ZNF592: variants seen among roughly 807,000 people sequenced by gnomAD.
ZNF592 encodes spinocerebellar ataxia, autosomal recessive 5.
Under a neutral mutation model 80.3 loss-of-function variants are expected in ZNF592, and 11 were observed. The observed-to-expected ratio is 0.14, with a 90% confidence interval of 0.09 to 0.23. ZNF592 has a LOEUF of 0.23. Ranked by LOEUF, ZNF592 falls within the 10% of genes least tolerant of loss-of-function variation. The pLI is 1.00. For missense variants in ZNF592, 1,420 were observed against 1,633.9 expected, an observed-to-expected ratio of 0.87 and a Z score of 2.26; for synonymous variants, 646 against 640.3, an observed-to-expected ratio of 1.01 and a Z score of -0.13.
At chr15:84,776,001 C>T (rs542433955) in intron 2 of ZNF592, among the ~76,000 whole-genome samples, 2 of 152,330 alleles carry the variant, frequency 1.3e-5, no homozygotes, top group East Asian at 3.9e-4. Flanking sequence ...TTGTTCTTTA[C>T]CCCCAAGGGG....
chr15:84,794,387 T>C lies in ZNF592; in HGVS notation c.2400-3482T>C, dbSNP rs115443339. Among the ~76,000 whole-genome samples, 604 of 152,304 alleles carry C rather than the reference T, an allele frequency of 4.0e-3. 2 individuals are homozygous for C. The highest frequency in any genetic ancestry group is 0.014 in the African/African-American group (577 of 41,574). On this transcript the variant is annotated intron_variant, in intron 5 of 10. Coordinates refer to ENST00000560079, the MANE Select transcript of ZNF592 (RefSeq NM_014630.3). ...GTACACCCTTGCCAACACTTGTTAT[T>C]GTCTTTTTGATTGTAACCATCCTTA...
At chr15:84,764,614 T>C in intron 1 of ZNF592, 93 bp from the exon 2 acceptor site, 1 of 391,908 alleles carries the variant, frequency 2.6e-6, no homozygotes, top group Non-Finnish European at 4.5e-6. Context: ...ACACTTGGAT[T>C]ATTATTATTA....
intron 1 of ZNF592, chr15:84,753,585 G>GC (rs2141957122): frequency 6.6e-6 from 1 of 152,316 alleles, no homozygotes; most frequent in East Asian, 1.9e-4. Context: ...CGATTCTCCT[G>GC]CCTCAGCCTC....
rs1278049155 is a variant in ZNF592, at chr15:84,784,890, G to A, written c.2215G>A (p.Gly739Arg). Residue 739 changes from glycine (G) to arginine (R), a missense_variant, in exon 4 of 11, where the codon GGG becomes AGG. Transcript: ENST00000560079. The surrounding 1 kb of genome is among the most constrained non-coding windows in gnomAD (Gnocchi z 5.8). ...CCAGAGGACAACAGAGGAGACAGAG[G>A]GGCTGGTAAGCAGACCCTCACTGTT... ...HFQRTTEETE[G>R]LTCQVCQMLL... The A allele has an allele frequency of 1.2e-6, 2 of 1,614,002 alleles. No individual in the cohort carries two copies. Among genetic ancestry groups the A allele is most frequent in the African/African-American group, 2.7e-5 (2 of 74,910 alleles).
At position 84,784,091 on chromosome 15, in the gene ZNF592, G is replaced by T. The variant is rs750571222; in HGVS notation, c.1416G>T (p.Gly472=). 142 of 1,614,024 alleles carry T rather than the reference G, an allele frequency of 8.8e-5. No individual in the cohort carries two copies. Among genetic ancestry groups the T allele is most frequent in the Non-Finnish European group, 1.1e-4 (129 of 1,180,026 alleles). ...GTTCTGGGCCCCGGGTCCCAAAGGG[G>T]GCTGCCCCAGGCTCACAGACAGGCA... ...SCSSGPRVPK[G]AAPGSQTGKK... is the part of the protein sequence containing the mutation. The change falls in exon 4 of 11, where the codon GGG becomes GGT. Residue 472 remains glycine (G), a synonymous_variant. Transcript: ENST00000560079. This position sits in a 1 kb window ranked among gnomAD's most constrained non-coding sequence, Gnocchi z 5.8.
intron 5 of ZNF592, among the ~76,000 whole-genome samples, chr15:84,791,129 TTAGAC>T (rs1438320261): frequency 6.6e-5 from 10 of 152,354 alleles, no homozygotes; most frequent in Admixed American, 6.5e-4. Flanking sequence ...TTTGGGGAGA[TTAGAC>T]ATATAATACT....
chr15:84,775,881 GT>G (rs1962236909), intron 2 of ZNF592, among the ~76,000 whole-genome samples: 3 of 152,170 alleles, frequency 2.0e-5, no homozygotes, highest in African/African-American at 7.2e-5. Flanking sequence ...AGTAGACTCT[GT>G]AATAAACAAT....
At position 84,799,482 on chromosome 15, in the gene ZNF592, G is replaced by A. The variant is rs540798899; in HGVS notation, c.3137+272G>A. On this transcript the variant is annotated intron_variant, in intron 9 of 10. Transcript: ENST00000560079. This position sits in a 1 kb window ranked among gnomAD's most constrained non-coding sequence, Gnocchi z 4.2. ...AGCATCCTGAGGTTTAAGAGGAGGG[G>A]TGGTGATGTGAGCATGCACCCCTGG... Among the ~76,000 whole-genome samples the A allele has an allele frequency of 2.0e-5, 3 of 152,266 alleles. No individual in the cohort carries two copies. Among genetic ancestry groups the A allele is most frequent in the East Asian group, 1.9e-4 (1 of 5,178 alleles).
chr15:84,777,986 C>T (rs1012639287), intron 2 of ZNF592, among the ~76,000 whole-genome samples, 197 bp from the exon 3 acceptor site: 2 of 152,140 alleles, frequency 1.3e-5, no homozygotes, highest in African/African-American at 4.8e-5. Flanking sequence ...GCGTGAGCCA[C>T]CGTGCCCGGC....
intron 10 of ZNF592, among the ~76,000 whole-genome samples, chr15:84,800,862 G>A (rs1019317279): frequency 5.3e-5 from 8 of 152,218 alleles, no homozygotes; most frequent in African/African-American, 1.4e-4. Context: ...TAACAAAGAC[G>A]GAACTCAGCT....
rs1430924425 is a variant in ZNF592 at position 84,784,467 on chromosome 15, T to G, written c.1792T>G (p.Leu598Val). ...CCTGGAGTGTGGAGACGCATTTGCC[T>G]TAGAGAAGAGCCTGAGCCAGCACTA... is the stretch of plus-strand genomic sequence containing the variant. ...CCLECGDAFA[L>V]EKSLSQHYGR... Residue 598 changes from leucine (L) to valine (V), a missense_variant, in exon 4 of 11, where the codon TTA (leucine) becomes GTA (valine). Coordinates refer to ENST00000560079, the MANE Select transcript of ZNF592 (RefSeq NM_014630.3). The surrounding 1 kb of genome is among the most constrained non-coding windows in gnomAD (Gnocchi z 5.8). The G allele has an allele frequency of 1.2e-6, 2 of 1,614,088 alleles. No individual in the cohort carries two copies. Among genetic ancestry groups the G allele is most frequent in the Non-Finnish European group, 8.5e-7 (1 of 1,180,040 alleles).
chr15:84,770,237 G>A (rs1899660145), intron 2 of ZNF592, among the ~76,000 whole-genome samples: 3 of 152,198 alleles, frequency 2.0e-5, no homozygotes, highest in Admixed American at 6.5e-5. Context: ...TCAAGAGCTA[G>A]ATTTTAGACA....
At chr15:84,778,947 C>G (rs933749845) in intron 3 of ZNF592, among the ~76,000 whole-genome samples, 1 of 152,084 alleles carries the variant, frequency 6.6e-6, no homozygotes, top group Non-Finnish European at 1.5e-5. Context: ...TGGAGGAACA[C>G]CAGGGTTCTT....
chr15:84,768,384 T>C (rs954657766), intron 2 of ZNF592, among the ~76,000 whole-genome samples: 29 of 151,896 alleles, frequency 1.9e-4, no homozygotes, highest in African/African-American at 7.0e-4. Context: ...ATTACAGGTG[T>C]GCACCACCAC....
At chr15:84,793,697 T>TC (rs1168385223) in intron 5 of ZNF592, among the ~76,000 whole-genome samples, 3 of 152,256 alleles carry the variant, frequency 2.0e-5, no homozygotes, top group South Asian at 2.1e-4. Flanking sequence ...ACTTCTTTCT[T>TC]CCCCCCTAGC....
At chr15:84,769,188 A>T (rs1291395605) in intron 2 of ZNF592, among the ~76,000 whole-genome samples, 1 of 151,806 alleles carries the variant, frequency 6.6e-6, no homozygotes. Context: ...TGATCAGCCC[A>T]CCTCTGCCTC....
intron 5 of ZNF592, 81 bp downstream of exon 5, chr15:84,790,964 T>G: frequency 1.3e-6 from 2 of 1,587,130 alleles, no homozygotes; most frequent in Non-Finnish European, 8.6e-7. Context: ...TCAGATAGTT[T>G]TGGTCTTAAG....
At chr15:84,791,748 A>G (rs867121231) in intron 5 of ZNF592, among the ~76,000 whole-genome samples, 43 of 152,320 alleles carry the variant, frequency 2.8e-4, no homozygotes, top group Admixed American at 2.2e-3. Context: ...AAGCTTCCTA[A>G]AGGAGATATT....
intron 4 of ZNF592, among the ~76,000 whole-genome samples, chr15:84,788,067 T>C (rs1021666327): frequency 1.3e-5 from 2 of 152,190 alleles, no homozygotes; most frequent in African/African-American, 2.4e-5. Context: ...ATATCCCATA[T>C]TTTTTCCTGT....
Sources: allele counts gnomAD v4.1 joint callset (sites outside exome capture counted in the v4.1 genomes callset), GRCh38; gene constraint gnomAD v4.1.1; non-coding constraint Gnocchi (gnomAD v3.1); transcripts MANE v1.5; gene names NCBI Gene and HGNC (gene_info 2026-07-23, HGNC 2026-07-21).